Variants in RGS22 observed in about 807,000 individuals in gnomAD.
RGS22 encodes the protein regulator of G-protein signaling 22.
In RGS22, 148 loss-of-function variants were observed where a neutral mutation model predicts 172.9. That is an observed-to-expected ratio of 0.86 (90% CI 0.75 to 0.98). RGS22 has a LOEUF of 0.98. RGS22 is among the 50% of genes least tolerant of loss of function. The pLI is 0.00. For missense variants in RGS22, 1,347 were observed against 1,440.8 expected (o/e 0.93, Z 1.05); for synonymous variants, 458 against 480.2 (o/e 0.95, Z 0.60).
At chr8:100,042,794 A>G (rs907428631) in intron 11 of RGS22, 4 of 152,222 alleles carry the variant, frequency 2.6e-5, no homozygotes, top group Non-Finnish European at 5.9e-5. Context: ...ATGCTTCTAT[A>G]TACAGTACCA....
intron 23 of RGS22, among the ~76,000 whole-genome samples, chr8:99,970,931 A>G (rs910100102): frequency 6.6e-6 from 1 of 152,162 alleles, no homozygotes; most frequent in African/African-American, 2.4e-5. Context: ...ACAAAAAAGA[A>G]AATTTCAGGC....
At position 100,008,530 on chromosome 8, in the gene RGS22, C is replaced by G. The variant is rs1255375574; in HGVS notation, c.2206G>C (p.Asp736His). Residue 736 changes from aspartate (D) to histidine (H), a missense_variant, in exon 15 of 28, where the codon GAC becomes CAC. Asp to His is a moderately conservative substitution (Grantham distance 81). Transcript: ENST00000360863. ...ATYVAPSATL[D>H]IGLQQEKKKE... Reference sequence around the variant, plus strand: ...TTCTTTTCCTGTTGGAGTCCAATGTCAAGAGTGGCAGAAGGAGCAACGTAT... The same window carrying G: ...TTCTTTTCCTGTTGGAGTCCAATGTGAAGAGTGGCAGAAGGAGCAACGTAT... 6.2e-7 allele frequency: 1 copy of G among 1,611,248 alleles called. No homozygotes were observed. The highest frequency in any genetic ancestry group is 8.5e-7 in the Non-Finnish European group (1 of 1,179,426).
intron 11 of RGS22, among the ~76,000 whole-genome samples, chr8:100,047,132 C>T (rs1820810034): frequency 6.6e-6 from 1 of 152,008 alleles, no homozygotes; most frequent in African/African-American, 2.4e-5. Flanking sequence ...ATATTCTTGA[C>T]AATATTCTTG....
chr8:100,037,878 G>C (rs1036937677), intron 14 of RGS22, among the ~76,000 whole-genome samples: 4 of 152,142 alleles, frequency 2.6e-5, no homozygotes, highest in Admixed American at 6.6e-5. Context: ...ATTTCATGGA[G>C]ACAGATATGG....
chr8:100,099,811 C>T (rs1204473808), intron 2 of RGS22, among the ~76,000 whole-genome samples: 1 of 152,156 alleles, frequency 6.6e-6, no homozygotes, highest in Non-Finnish European at 1.5e-5. Flanking sequence ...CACTTCTGGC[C>T]CCTAGCTCTG....
chr8:100,081,732 CGCAGATTAGATTTATCT>C (rs1175156423), intron 3 of RGS22, among the ~76,000 whole-genome samples: 2 of 151,986 alleles, frequency 1.3e-5, no homozygotes, highest in Non-Finnish European at 2.9e-5. Context: ...CTGCTGATAT[CGCAGATTAGATTTATCT>C]GGAGATAGGA....
At chr8:100,039,871 A>C (rs1402170035) in intron 13 of RGS22, 91 bp downstream of exon 13, 3 of 712,146 alleles carry the variant, frequency 4.2e-6, no homozygotes, top group Non-Finnish European at 6.2e-6. Context: ...TTTAACATCA[A>C]ATATAATTAT....
chr8:99,976,181 C>G (rs1050557858), intron 23 of RGS22, among the ~76,000 whole-genome samples: 1 of 151,802 alleles, frequency 6.6e-6, no homozygotes, highest in East Asian at 1.9e-4. Flanking sequence ...CACAGCGAGA[C>G]TCCATCTCAA....
In RGS22 at chr8:100,008,446, C is replaced by T. The variant is rs769915133; in HGVS notation, c.2290G>A (p.Glu764Lys). Residue 764 changes from glutamate to lysine, a missense_variant, in exon 15 of 28, where the codon GAA becomes AAA. Transcript: ENST00000360863. Reference protein sequence around the residue: ...PFEDLFDTAEEYILLLLLEPW... With the variant: ...PFEDLFDTAEKYILLLLLEPW... ...TCAAGAAGGAGGAGAAGGATATATTCCTCTGCTGTGTCAAAAAGGTCTTCA... is the reference window on the plus strand; with the variant it reads ...TCAAGAAGGAGGAGAAGGATATATTTCTCTGCTGTGTCAAAAAGGTCTTCA... 7 of 1,613,812 alleles carry T rather than the reference C, an allele frequency of 4.3e-6. No individual in the cohort carries two copies. The highest frequency in any genetic ancestry group is 1.7e-6 in the Non-Finnish European group (2 of 1,179,946).
intron 3 of RGS22, among the ~76,000 whole-genome samples, chr8:100,084,543 T>C (rs755779790): frequency 1.4e-4 from 21 of 152,260 alleles, no homozygotes; most frequent in Non-Finnish European, 2.4e-4. Context: ...AAAATGTTTA[T>C]ACTTTTAAAC....
intron 24 of RGS22, among the ~76,000 whole-genome samples, chr8:99,964,537 C>T (rs1810531453): frequency 6.7e-6 from 1 of 148,696 alleles, no homozygotes; most frequent in Non-Finnish European, 1.5e-5. Context: ...CCTGATATCT[C>T]TAACTGGACA....
intron 2 of RGS22, among the ~76,000 whole-genome samples, chr8:100,104,851 G>C (rs896156525): frequency 6.6e-6 from 1 of 152,152 alleles, no homozygotes; most frequent in Non-Finnish European, 1.5e-5. Context: ...TATACAATGG[G>C]AATTACAATG....
At chr8:100,099,980 G>GA (rs1400598703) in intron 2 of RGS22, among the ~76,000 whole-genome samples, 1 of 151,944 alleles carries the variant, frequency 6.6e-6, no homozygotes. Context: ...TATTTTGTTT[G>GA]AAAAAAACCA....
At chr8:100,093,322 C>A (rs904817942) in intron 3 of RGS22, 125 bp downstream of exon 3, 1 of 585,038 alleles carries the variant, frequency 1.7e-6, no homozygotes, top group Non-Finnish European at 3.1e-6. Flanking sequence ...AAAACCTTTA[C>A]CTAAATGCTT....
At chr8:100,013,235 C>T (rs147429323) in intron 14 of RGS22, among the ~76,000 whole-genome samples, 96 of 152,112 alleles carry the variant, frequency 6.3e-4, no homozygotes, top group African/African-American at 2.2e-3. Flanking sequence ...GTGATCCGCC[C>T]GCCTCGGCCT....
intron 14 of RGS22, among the ~76,000 whole-genome samples, chr8:100,013,032 C>G (rs919517808): frequency 3.6e-5 from 5 of 140,434 alleles, no homozygotes; most frequent in Non-Finnish European, 6.0e-5. Flanking sequence ...CTTTATCACC[C>G]AGGCTGGAGT....
intron 14 of RGS22, among the ~76,000 whole-genome samples, chr8:100,020,184 G>A (rs774423223): frequency 6.6e-6 from 1 of 152,024 alleles, no homozygotes; most frequent in Admixed American, 6.6e-5. Flanking sequence ...ACGCCCGGCC[G>A]CAATTTTCTT....
rs1819814639 is a variant in RGS22 at position 100,039,033 on chromosome 8, C to T, written c.2065-1G>A. On this transcript the variant is annotated splice_acceptor_variant, in intron 13 of 27. Transcript: ENST00000360863. LOFTEE classifies it high-confidence loss of function. The stretch of plus-strand genomic sequence containing the variant: ...AAAAGTACACACTGTTCTTCCACAA[C>T]TACAGATGGAAAAAGTACATAAATT... The T allele has an allele frequency of 6.4e-7, 1 of 1,563,932 alleles. No individual in the cohort carries two copies. The highest frequency in any genetic ancestry group is 8.7e-7 in the Non-Finnish European group (1 of 1,143,386).
chr8:100,076,512 T>C (rs955290120), intron 4 of RGS22, among the ~76,000 whole-genome samples: 9 of 152,242 alleles, frequency 5.9e-5, no homozygotes, highest in South Asian at 4.1e-4. Flanking sequence ...GTTTTTTGTA[T>C]AAGTTTTTAT....
Sources: gnomAD v4.1 joint callset for allele counts (sites outside exome capture counted in the v4.1 genomes callset) on GRCh38, gnomAD v4.1.1 for gene constraint, MANE v1.5 for transcripts, NCBI Gene and HGNC (gene_info 2026-07-23, HGNC 2026-07-21) for gene names.